Variants in TNIP3 observed in about 807,000 individuals in gnomAD.
TNIP3 encodes TNFAIP3-interacting protein 3.
TNIP3 carries 34 observed loss-of-function variants against 54.1 expected under a neutral mutation model. That is an observed-to-expected ratio of 0.63 (90% CI 0.48 to 0.84). TNIP3 has a LOEUF of 0.84. Among genes scored for constraint, TNIP3 ranks in the 40% least tolerant of loss-of-function variants. The pLI, the probability that TNIP3 is intolerant of heterozygous loss-of-function variation, is 0.00. For synonymous variants in TNIP3, 134 were observed against 136.8 expected, an observed-to-expected ratio of 0.98 and a Z score of 0.14; for missense variants, 366 against 387.6, an observed-to-expected ratio of 0.94 and a Z score of 0.47.
At chr4:121,204,483 A>G (rs1252145028) in intron 2 of TNIP3, among the ~76,000 whole-genome samples, 1 of 152,192 alleles carries the variant, frequency 6.6e-6, no homozygotes, top group East Asian at 1.9e-4. Context: ...CCTTGGGCAC[A>G]TGTCATCAGG....
chr4:121,185,321 T>C (rs1724957002), intron 2 of TNIP3, among the ~76,000 whole-genome samples: 1 of 152,258 alleles, frequency 6.6e-6, no homozygotes, highest in African/African-American at 2.4e-5. Context: ...GCTATCCCAC[T>C]TCATTCAGTG....
chr4:121,184,790 T>A (rs990624483), intron 2 of TNIP3, among the ~76,000 whole-genome samples: 21 of 152,292 alleles, frequency 1.4e-4, no homozygotes, highest in Admixed American at 9.8e-4. Flanking sequence ...CATTGTAAAA[T>A]ATGGGCTACT....
At chr4:121,202,452 A>G (rs1461933658) in intron 2 of TNIP3, among the ~76,000 whole-genome samples, 1 of 152,206 alleles carries the variant, frequency 6.6e-6, no homozygotes, top group Non-Finnish European at 1.5e-5. Flanking sequence ...ACCTGAAACC[A>G]TAAAAATTCT....
At chr4:121,157,924 G>A (rs1187064738) in intron 3 of TNIP3, among the ~76,000 whole-genome samples, 1 of 152,184 alleles carries the variant, frequency 6.6e-6, no homozygotes. Flanking sequence ...TTGCAAGGCT[G>A]CCTGACCATT....
At chr4:121,157,418 G>C in intron 3 of TNIP3, 175 bp from the exon 4 acceptor site, 1 of 780,188 alleles carries the variant, frequency 1.3e-6, no homozygotes, top group South Asian at 1.8e-5. Flanking sequence ...GTTTCAAAGG[G>C]AGCTTGGCCT....
intron 2 of TNIP3, among the ~76,000 whole-genome samples, chr4:121,212,852 A>T (rs1726551175): frequency 6.6e-6 from 1 of 152,210 alleles, no homozygotes; most frequent in Admixed American, 6.5e-5. Flanking sequence ...AGAGGCCAAA[A>T]GAATTGTAAG....
chr4:121,135,826 T>C (rs1482795218), intron 10 of TNIP3, among the ~76,000 whole-genome samples: 1 of 152,196 alleles, frequency 6.6e-6, no homozygotes, highest in African/African-American at 2.4e-5. Context: ...CAAGAACCAC[T>C]ACTGAAATTA....
chr4:121,145,684 T>C (rs567436292), intron 7 of TNIP3, among the ~76,000 whole-genome samples: 32 of 150,902 alleles, frequency 2.1e-4, no homozygotes, highest in Admixed American at 4.0e-4. Context: ...TTAAAGTTGT[T>C]TTACTTGCTG....
At chr4:121,199,230 G>A (rs929611025) in intron 2 of TNIP3, among the ~76,000 whole-genome samples, 4 of 152,148 alleles carry the variant, frequency 2.6e-5, no homozygotes, top group South Asian at 2.1e-4. Flanking sequence ...AAATGGTGGC[G>A]ATACAACTTC....
chr4:121,132,810 GA>G (rs1355118795), intron 10 of TNIP3, 148 bp from the exon 11 acceptor site: 3 of 653,064 alleles, frequency 4.6e-6, no homozygotes, highest in Non-Finnish European at 7.9e-6. Context: ...TTTACACTGA[GA>G]AATCAAGAAG....
At chr4:121,161,614 C>T (rs1200111476) in intron 1 of TNIP3, among the ~76,000 whole-genome samples, 1 of 152,042 alleles carries the variant, frequency 6.6e-6, no homozygotes, top group South Asian at 2.1e-4. Flanking sequence ...TCATAAAAGT[C>T]ATTTTGGTAG....
chr4:121,180,770 A>G (rs1041582528), intron 3 of TNIP3, among the ~76,000 whole-genome samples: 4 of 152,178 alleles, frequency 2.6e-5, no homozygotes, highest in African/African-American at 9.7e-5. Flanking sequence ...GGTGGTTTTC[A>G]AACTCAACTC....
chr4:121,178,709 G>A (rs1207958875), intron 3 of TNIP3, among the ~76,000 whole-genome samples: 1 of 152,146 alleles, frequency 6.6e-6, no homozygotes, highest in Non-Finnish European at 1.5e-5. Flanking sequence ...TGCAGACTCT[G>A]AGAACTATTT....
At position 121,194,861 on chromosome 4, in the gene TNIP3, TAC is replaced by T. The variant is rs767171822; in HGVS notation, c.69-12067_69-12066del. Among the ~76,000 whole-genome samples, 4 of 148,590 alleles carry T rather than the reference TAC, an allele frequency of 2.7e-5. No individual in the cohort carries two copies. In the Middle Eastern group the frequency reaches 0.01, roughly 387 times the overall value. Reference sequence around the variant, plus strand: ...TCCATGAACAATAGAAAAAAAAAAGTACACACACACACAGACTTCTTCTCAGC... The same window carrying T: ...TCCATGAACAATAGAAAAAAAAAAGTACACACACACAGACTTCTTCTCAGC... On this transcript the variant is annotated intron_variant, in intron 2 of 12. Transcript: ENST00000507879.
At chr4:121,182,277 A>G (rs1724757502) in intron 3 of TNIP3, among the ~76,000 whole-genome samples, 1 of 152,198 alleles carries the variant, frequency 6.6e-6, no homozygotes, top group Non-Finnish European at 1.5e-5. Context: ...TTTTCTTACA[A>G]AAATACAAAA....
At chr4:121,178,480 C>G (rs1437543131) in intron 3 of TNIP3, among the ~76,000 whole-genome samples, 1 of 152,148 alleles carries the variant, frequency 6.6e-6, no homozygotes, top group Non-Finnish European at 1.5e-5. Flanking sequence ...TTGGAGTTCT[C>G]GAAGACATAT....
chr4:121,137,884 C>G (rs1201460654), intron 10 of TNIP3: 1 of 452,222 alleles, frequency 2.2e-6, no homozygotes, highest in African/African-American at 2.0e-5. Flanking sequence ...ATGTAGCAGA[C>G]ATTTCTAACT....
chr4:121,183,342 A>C (rs1724823087), intron 2 of TNIP3, among the ~76,000 whole-genome samples: 1 of 152,236 alleles, frequency 6.6e-6, no homozygotes, highest in Non-Finnish European at 1.5e-5. Context: ...ACCACATGGA[A>C]ATAATATATT....
At chr4:121,144,295 A>G (rs536102278) in intron 7 of TNIP3, among the ~76,000 whole-genome samples, 1 of 152,360 alleles carries the variant, frequency 6.6e-6, no homozygotes, top group Non-Finnish European at 1.5e-5. Context: ...TATAAACTAA[A>G]TGAAACTATT....
Sources: allele counts gnomAD v4.1 joint callset (sites outside exome capture counted in the v4.1 genomes callset), GRCh38; gene constraint gnomAD v4.1.1; transcripts MANE v1.5; gene names NCBI Gene and HGNC (gene_info 2026-07-23, HGNC 2026-07-21).